The following PAPLN variants were observed in gnomAD, a reference collection of about 807,000 sequenced individuals.
The protein encoded by PAPLN is papilin, proteoglycan like sulfated glycoprotein.
Under a neutral mutation model 159.0 loss-of-function variants are expected in PAPLN, and 146 were observed. That is an observed-to-expected ratio of 0.92 (90% CI 0.80 to 1.05). The LOEUF (loss-of-function observed/expected upper bound fraction) is 1.05. PAPLN is among the 50% of genes least tolerant of loss of function. The probability of loss-of-function intolerance (pLI) is 0.00; values close to 1 mark genes in which losing one functional copy is unlikely to be tolerated. For synonymous variants in PAPLN, 734 were observed against 702.9 expected (o/e 1.04, Z -0.70); for missense variants, 1,720 against 1,743.9 (o/e 0.99, Z 0.24).
chr14:73,259,654 G>A, intron 16 of PAPLN, 109 bp downstream of exon 16: 1 of 1,325,518 alleles, frequency 7.5e-7, no homozygotes, highest in Non-Finnish European at 9.8e-7. Context: ...GGTGTGCAGA[G>A]CTCAGGAATA....
rs1886721773 is a variant in PAPLN at position 73,262,691 on chromosome 14, C to T, written c.2587C>T (p.Gln863Ter). The change falls in exon 19 of 27, where the codon CAG becomes TAG. Residue 863 changes from glutamine to a stop codon, truncating the protein, a stop_gained. Coordinates refer to ENST00000644200, the MANE Select transcript of PAPLN (RefSeq NM_001365906.3). LOFTEE classifies it high-confidence loss of function. ...TGGTGGTCTCTGGCGGCAAGACCAA[C>T]AGCCTGGGCCAGGGGAGGCCCCCCA... Reference protein sequence around the residue: ...PSGGLWRQDQQPGPGEAPHTQ... With the variant: ...PSGGLWRQDQ 3 of 1,510,010 alleles carry T rather than the reference C, an allele frequency of 2.0e-6. No homozygotes were observed. The highest frequency in any genetic ancestry group is 4.4e-5 in the Admixed American group (2 of 45,224). The allele number at this position is 1,510,010 out of a possible 1,614,324, so 93.5% of individuals were successfully genotyped here. A position where few individuals can be genotyped will look rare whatever the true frequency, so the allele number is the denominator to read the frequency against.
intron 6 of PAPLN, among the ~76,000 whole-genome samples, chr14:73,250,360 G>A (rs972919387): frequency 2.6e-5 from 4 of 152,204 alleles, no homozygotes; most frequent in Non-Finnish European, 5.9e-5. Flanking sequence ...GCAGAAATCC[G>A]GCTAAAACCG....
chr14:73,254,098 C>A, intron 12 of PAPLN, 137 bp downstream of exon 12: 1 of 999,842 alleles, frequency 1.0e-6, no homozygotes, highest in Non-Finnish European at 1.4e-6. Context: ...AAGCTGTGGC[C>A]AAGGCTGGGA....
chr14:73,251,788 T>G lies in PAPLN; in HGVS notation c.795T>G (p.Pro265=), dbSNP rs748885577. The change falls in exon 9 of 27, where the codon CCT becomes CCG. Residue 265 remains proline, a synonymous_variant. Coordinates refer to ENST00000644200, the MANE Select transcript of PAPLN (RefSeq NM_001365906.3). ...YERGAEGDLA[P]ERLHARGPTS... Reference sequence around the variant, plus strand: ...GGGGTGCTGAGGGGGACCTGGCCCCTGAGCGACTCCATGCCCGGGGCCCCA... The same window carrying G: ...GGGGTGCTGAGGGGGACCTGGCCCCGGAGCGACTCCATGCCCGGGGCCCCA... The G allele has an allele frequency of 6.2e-6, 10 of 1,606,258 alleles. No individual in the cohort carries two copies. In the Admixed American group the frequency reaches 1.7e-4, roughly 28 times the overall value.
At chr14:73,258,667 T>C (rs1334844454) in intron 14 of PAPLN, among the ~76,000 whole-genome samples, 1 of 139,618 alleles carries the variant, frequency 7.2e-6, no homozygotes, top group Non-Finnish European at 1.5e-5. Context: ...GGGGCTGAAG[T>C]GGGAGGATCA....
Position 73,252,568 on chromosome 14 carries a change from T to C in PAPLN, c.968-81T>C, listed in dbSNP as rs931228233. The C allele has an allele frequency of 5.9e-6, 9 of 1,537,560 alleles. No homozygotes were observed. In the East Asian group the frequency reaches 1.9e-4, roughly 32 times the overall value. ...GAATGGGGATGACCTGTGGGGTGAG[T>C]GCAGGATGGCGCCTGGCCCAGGGAA... On this transcript the variant is annotated intron_variant, in intron 10 of 26. Coordinates refer to ENST00000644200, the MANE Select transcript of PAPLN (RefSeq NM_001365906.3).
At chr14:73,251,607 C>T (rs1322230154) in intron 8 of PAPLN, 41 bp downstream of exon 8, 1 of 1,613,380 alleles carries the variant, frequency 6.2e-7, no homozygotes, top group Non-Finnish European at 8.5e-7. Context: ...TCTGGGGCTG[C>T]AGGGGGAGGT....
rs1566672839 is a variant in PAPLN, at chr14:73,245,535, C to T, written c.171-101C>T. 1.5e-6 allele frequency: 2 copies of T among 1,323,332 alleles called. No homozygotes were observed. The highest frequency in any genetic ancestry group is 1.3e-5 in the South Asian group (1 of 76,540). 82.0% of individuals were successfully genotyped at this position (1,323,332 alleles called of 1,614,324 possible). On this transcript the variant is annotated intron_variant, in intron 3 of 26. Coordinates refer to ENST00000644200, the MANE Select transcript of PAPLN (RefSeq NM_001365906.3). The surrounding 1 kb of genome is among the most constrained non-coding windows in gnomAD (Gnocchi z 4.2). ...GGACACCCTCTCACCTTGCTGCTCC[C>T]ACTGGAGAGTCCCGCAGAAGTTGGG...
intron 16 of PAPLN, among the ~76,000 whole-genome samples, chr14:73,260,198 G>A (rs545065702): frequency 1.8e-4 from 28 of 152,290 alleles, no homozygotes; most frequent in East Asian, 5.8e-4. Flanking sequence ...GATGACAATC[G>A]TGATGGGGTT....
intron 14 of PAPLN, among the ~76,000 whole-genome samples, chr14:73,257,753 C>CT (rs562890068): frequency 0.02 from 1,868 of 91,186 alleles, 144 homozygotes; most frequent in African/African-American, 0.038. Context: ...TCTCTTTCTT[C>CT]TTTTTTTTTT....
intron 7 of PAPLN, among the ~76,000 whole-genome samples, 174 bp from the exon 8 acceptor site, chr14:73,251,312 T>A (rs1343149562): frequency 6.6e-6 from 1 of 152,168 alleles, no homozygotes; most frequent in Non-Finnish European, 1.5e-5. Flanking sequence ...CCACCCTGGC[T>A]TTTGTACTGC....
intron 2 of PAPLN, among the ~76,000 whole-genome samples, chr14:73,240,326 C>T (rs1594771184): frequency 1.3e-5 from 2 of 152,262 alleles, no homozygotes; most frequent in East Asian, 3.9e-4. Flanking sequence ...CAGAAATGTC[C>T]TGTTTCTCTG....
chr14:73,259,518 G>T lies in PAPLN; in HGVS notation c.1958G>T (p.Cys653Phe). ...TCTCTCGGGCCTCAGTGGCAAGGCT[G>T]CCCTGGGGCCCCCTGTCAGCAGAGC... is the stretch of plus-strand genomic sequence containing the variant. Reference protein sequence around the residue: ...TASLGPQWQGCPGAPCQQSRY... With the variant: ...TASLGPQWQGFPGAPCQQSRY... The change falls in exon 16 of 27, where the codon TGC becomes TTC. Residue 653 changes from cysteine (C) to phenylalanine (F), a missense_variant. Coordinates refer to ENST00000644200, the MANE Select transcript of PAPLN (RefSeq NM_001365906.3). The T allele has an allele frequency of 6.3e-7, 1 of 1,589,186 alleles. No individual in the cohort carries two copies. The highest frequency in any genetic ancestry group is 8.6e-7 in the Non-Finnish European group (1 of 1,167,294).
chr14:73,271,172 T>C (rs771297769), intron 26 of PAPLN, among the ~76,000 whole-genome samples: 32 of 152,190 alleles, frequency 2.1e-4, no homozygotes, highest in Non-Finnish European at 4.1e-4. Context: ...ATCACTATGC[T>C]GAGTTCCCAC....
Position 73,262,808 on chromosome 14 carries a change from T to G in PAPLN, c.2704T>G (p.Phe902Val). 6.7e-7 allele frequency: 1 copy of G among 1,491,066 alleles called. No homozygotes were observed. The highest frequency in any genetic ancestry group is 8.9e-7 in the Non-Finnish European group (1 of 1,124,818). The allele number at this position is 1,491,066 out of a possible 1,614,324, so 92.4% of individuals were successfully genotyped here. Reference sequence around the variant, plus strand: ...AGATGCCGGATCACCAGCGCCACCCTTCCACAGCTCCTCCTACAGGTGAGG... The same window carrying G: ...AGATGCCGGATCACCAGCGCCACCCGTCCACAGCTCCTCCTACAGGTGAGG... Reference protein sequence around the residue: ...GGDAGSPAPPFHSSSYRISLA... With the variant: ...GGDAGSPAPPVHSSSYRISLA... The change falls in exon 19 of 27, where the codon TTC becomes GTC. Residue 902 changes from phenylalanine to valine, a missense_variant. Physicochemically the swap from Phe to Val is conservative, Grantham distance 50. Transcript: ENST00000644200.
In PAPLN at chr14:73,262,741, A is replaced by T. The variant is rs1886728745; in HGVS notation, c.2637A>T (p.Pro879=). 1.3e-6 allele frequency: 2 copies of T among 1,513,110 alleles called. No homozygotes were observed. Among genetic ancestry groups the T allele is most frequent in the Non-Finnish European group, 1.8e-6 (2 of 1,135,220 alleles). 93.7% of individuals were successfully genotyped at this position (1,513,110 alleles called of 1,614,324 possible). ...APHTQAFGEW[P]WGQELGSRAP... Reference sequence around the variant, plus strand: ...ACACCCAGGCCTTTGGAGAATGGCCATGGGGGCAGGAGCTTGGGTCCAGGG... The same window carrying T: ...ACACCCAGGCCTTTGGAGAATGGCCTTGGGGGCAGGAGCTTGGGTCCAGGG... The change falls in exon 19 of 27, where the codon CCA becomes CCT. Residue 879 remains proline (P), a synonymous_variant. Coordinates refer to ENST00000644200, the MANE Select transcript of PAPLN (RefSeq NM_001365906.3).
rs752588459 is a variant in PAPLN at position 73,259,555 on chromosome 14, G to C, written c.1985+10G>C. The C allele has an allele frequency of 6.6e-7, 1 of 1,520,550 alleles. No individual in the cohort carries two copies. The highest frequency in any genetic ancestry group is 2.1e-5 in the Admixed American group (1 of 47,286). 94.2% of individuals were successfully genotyped at this position (1,520,550 alleles called of 1,614,324 possible). ...CCTGTCAGCAGAGCAGGTGGGTGCT[G>C]GAGACAGGTCTTCCTCCTCCCCCGT... On this transcript the variant is annotated intron_variant, in intron 16 of 26. Transcript: ENST00000644200.
At chr14:73,256,361 T>A (rs930214042) in intron 14 of PAPLN, among the ~76,000 whole-genome samples, 1 of 151,532 alleles carries the variant, frequency 6.6e-6, no homozygotes, top group Non-Finnish European at 1.5e-5. Context: ...TGAAATCCCG[T>A]CTCTACTAAA....
chr14:73,269,720 G>A lies in PAPLN; in HGVS notation c.3667+997G>A, dbSNP rs570151789. ...ACAGAGTGGTACCTCGGGCCAAGCTGCCAATTCTCACAGGCCTGATACAGA... is the reference window on the plus strand; with the variant it reads ...ACAGAGTGGTACCTCGGGCCAAGCTACCAATTCTCACAGGCCTGATACAGA... On this transcript the variant is annotated intron_variant, in intron 26 of 26. Coordinates refer to ENST00000644200, the MANE Select transcript of PAPLN (RefSeq NM_001365906.3). 6.6e-5 allele frequency among the ~76,000 whole-genome samples: 10 copies of A among 152,336 alleles called. No homozygotes were observed. In the East Asian group the frequency reaches 1.9e-3, roughly 29 times the overall value.
Sources: gnomAD v4.1 joint callset for allele counts (sites outside exome capture counted in the v4.1 genomes callset) on GRCh38, gnomAD v4.1.1 for gene constraint, Gnocchi (gnomAD v3.1) non-coding constraint, MANE v1.5 for transcripts, NCBI Gene and HGNC (gene_info 2026-07-23, HGNC 2026-07-21) for gene names.